The following C8orf88 variants were observed in gnomAD, a reference collection of about 807,000 sequenced individuals.
C8orf88 encodes the protein uncharacterized protein C8orf88.
C8orf88 carries 14 observed loss-of-function variants against 18.4 expected under a neutral mutation model. The observed-to-expected ratio is 0.76, with a 90% CI of 0.50 to 1.19. The LOEUF (loss-of-function observed/expected upper bound fraction) is 1.19. Among genes scored for constraint, C8orf88 ranks in the 50% most tolerant of loss-of-function variants. The pLI, the probability that C8orf88 is intolerant of heterozygous loss-of-function variation, is 0.00. For synonymous variants in C8orf88, 45 were observed against 42.9 expected (o/e 1.05, Z -0.19); for missense variants, 116 against 134.7 (o/e 0.86, Z 0.69).
At chr8:90,965,015 C>A (rs1162665492) in intron 4 of C8orf88, among the ~76,000 whole-genome samples, 2 of 151,128 alleles carry the variant, frequency 1.3e-5, no homozygotes, top group African/African-American at 2.4e-5. Flanking sequence ...AGATTAAGTC[C>A]TTTTTTATCA....
intron 3 of C8orf88, among the ~76,000 whole-genome samples, chr8:90,976,663 T>C (rs1044163932): frequency 6.6e-6 from 1 of 151,960 alleles, no homozygotes; most frequent in African/African-American, 2.4e-5. Context: ...AACAGATATA[T>C]CTATATGAAA....
chr8:90,961,168 T>C (rs1239755756), intron 4 of C8orf88, among the ~76,000 whole-genome samples: 1 of 151,420 alleles, frequency 6.6e-6, no homozygotes, highest in Non-Finnish European at 1.5e-5. Flanking sequence ...GTAATAACTA[T>C]TGGGCAATTC....
At chr8:90,980,124 AAC>A (rs1348765548) in intron 2 of C8orf88, among the ~76,000 whole-genome samples, 1 of 152,168 alleles carries the variant, frequency 6.6e-6, no homozygotes, top group Non-Finnish European at 1.5e-5. Flanking sequence ...CATGAGAAAA[AAC>A]ACACACACAG....
At chr8:90,973,208 C>A (rs569433065) in intron 3 of C8orf88, among the ~76,000 whole-genome samples, 2 of 151,978 alleles carry the variant, frequency 1.3e-5, no homozygotes, top group Non-Finnish European at 2.9e-5. Flanking sequence ...CTTAGAAATG[C>A]CAGGAAAGGC....
At chr8:90,960,006 T>C (rs889030462) in intron 5 of C8orf88, among the ~76,000 whole-genome samples, 17 of 151,504 alleles carry the variant, frequency 1.1e-4, no homozygotes, top group East Asian at 3.9e-4. Context: ...TTATCAGCAA[T>C]TGCAAAACTT....
intron 4 of C8orf88, among the ~76,000 whole-genome samples, chr8:90,964,776 T>C (rs1811171883): frequency 6.6e-6 from 1 of 151,588 alleles, no homozygotes; most frequent in Non-Finnish European, 1.5e-5. Context: ...GAAATATATA[T>C]AGGAGCAATG....
At chr8:90,984,458 C>CAT (rs759131776) in intron 1 of C8orf88, among the ~76,000 whole-genome samples, 1 of 152,118 alleles carries the variant, frequency 6.6e-6, no homozygotes, top group Non-Finnish European at 1.5e-5. Flanking sequence ...TTTCACGTTC[C>CAT]ATATATCTGG....
chr8:90,973,099 GAA>G (rs1448740279), intron 3 of C8orf88, among the ~76,000 whole-genome samples: 1 of 151,956 alleles, frequency 6.6e-6, no homozygotes, highest in Non-Finnish European at 1.5e-5. Context: ...CTAAAAGGCA[GAA>G]AAATAAAAGA....
chr8:90,975,362 A>C (rs1336651251), intron 3 of C8orf88, among the ~76,000 whole-genome samples: 3 of 152,158 alleles, frequency 2.0e-5, no homozygotes, highest in Non-Finnish European at 4.4e-5. Context: ...TTTTGAAATA[A>C]ATTAATGCAT....
At chr8:90,967,503 C>G (rs1384268993) in intron 4 of C8orf88, among the ~76,000 whole-genome samples, 2 of 151,646 alleles carry the variant, frequency 1.3e-5, no homozygotes, top group African/African-American at 4.8e-5. Context: ...GTTTAGTAGA[C>G]AAGTGTTTAG....
chr8:90,979,939 G>A (rs1811408563), intron 2 of C8orf88, among the ~76,000 whole-genome samples: 1 of 152,154 alleles, frequency 6.6e-6, no homozygotes, highest in African/African-American at 2.4e-5. Context: ...AACTACTACA[G>A]AACCTTTAAG....
intron 1 of C8orf88, among the ~76,000 whole-genome samples, chr8:90,980,846 C>A (rs1214296780): frequency 6.6e-6 from 1 of 152,128 alleles, no homozygotes; most frequent in East Asian, 1.9e-4. Context: ...GCATGAACCA[C>A]CATGCCCAGC....
intron 1 of C8orf88, among the ~76,000 whole-genome samples, chr8:90,981,104 G>C (rs1811429726): frequency 6.6e-6 from 1 of 151,940 alleles, no homozygotes. Context: ...TTAAACTCCA[G>C]TTCTATTTTT....
chr8:90,975,321 A>C (rs911646524), intron 3 of C8orf88, among the ~76,000 whole-genome samples: 2 of 152,162 alleles, frequency 1.3e-5, no homozygotes, highest in African/African-American at 4.8e-5. Flanking sequence ...TATTGACATA[A>C]AGATAGACAT....
At chr8:90,975,544 T>C (rs1811336347) in intron 3 of C8orf88, among the ~76,000 whole-genome samples, 1 of 152,034 alleles carries the variant, frequency 6.6e-6, no homozygotes, top group African/African-American at 2.4e-5. Flanking sequence ...CATGGTAAGA[T>C]GCCAAATCTC....
At chr8:90,983,404 CAGTT>C (rs1456707504) in intron 1 of C8orf88, among the ~76,000 whole-genome samples, 1 of 151,798 alleles carries the variant, frequency 6.6e-6, no homozygotes, top group African/African-American at 2.4e-5. Flanking sequence ...ATTGGTAAAT[CAGTT>C]AGTTATTTAC....
intron 1 of C8orf88, among the ~76,000 whole-genome samples, chr8:90,982,346 T>C (rs1811445646): frequency 6.6e-6 from 1 of 152,192 alleles, no homozygotes; most frequent in African/African-American, 2.4e-5. Context: ...CATTGCTTTA[T>C]TTGATGTTTA....
At chr8:90,969,107 G>T (rs1426885075) in intron 4 of C8orf88, among the ~76,000 whole-genome samples, 1 of 151,764 alleles carries the variant, frequency 6.6e-6, no homozygotes, top group African/African-American at 2.4e-5. Flanking sequence ...CAGCAAGTCG[G>T]CTCCTAGGTA....
chr8:90,985,244 C>CGGCGGGGGGCGAGG (rs1272625169), upstream of C8orf88: 186 of 37,236 alleles, frequency 5.0e-3, no homozygotes, highest in Middle Eastern at 0.017. Flanking sequence ...GCGGTGGCGG[C>CGGCGGGGGGCGAGG]GGCGGGGGGC....
Sources: gnomAD v4.1 joint callset for allele counts (sites outside exome capture counted in the v4.1 genomes callset) on GRCh38, gnomAD v4.1.1 for gene constraint, MANE v1.5 for transcripts, NCBI Gene and HGNC (gene_info 2026-07-23, HGNC 2026-07-21) for gene names.